NEDD8: variants seen among roughly 807,000 people sequenced by gnomAD.
NEDD8 encodes the protein ubiquitin-like protein NEDD8.
A neutral mutation model predicts 13.8 loss-of-function variants in NEDD8; 1 was observed. The observed-to-expected ratio is 0.07, with a 90% CI of 0.03 to 0.34. The LOEUF (loss-of-function observed/expected upper bound fraction) is 0.34. Ranked by LOEUF, NEDD8 falls within the 10% of genes least tolerant of loss-of-function variation. NEDD8 has a pLI of 0.99. For synonymous variants in NEDD8, 31 were observed against 33.2 expected (o/e 0.93, Z 0.23); for missense variants, 10 against 95.2 (o/e 0.10, Z 3.73).
intron 1 of NEDD8, chr14:24,228,104 C>G (rs967280334): frequency 6.7e-6 from 1 of 148,604 alleles, no homozygotes; most frequent in African/African-American, 2.5e-5. Flanking sequence ...AAAACAAAAA[C>G]AAAATGAGGC....
intron 1 of NEDD8, chr14:24,231,952 C>CT: frequency 2.5e-6 from 1 of 403,366 alleles, no homozygotes; most frequent in East Asian, 4.2e-5. Context: ...TTCTCTATGA[C>CT]TGCGGGGGTT....
At chr14:24,228,201 C>G (rs2039925542) in intron 1 of NEDD8, 2 of 151,870 alleles carry the variant, frequency 1.3e-5, no homozygotes, top group African/African-American at 4.8e-5. Context: ...CAAGACCAGC[C>G]TGGCAAACAT....
At chr14:24,226,635 A>G (rs1347230135) in intron 1 of NEDD8, 2 of 152,168 alleles carry the variant, frequency 1.3e-5, no homozygotes, top group African/African-American at 4.8e-5. Context: ...AATTTATATA[A>G]CATTATAACA....
At chr14:24,231,497 G>C (rs369398829) in intron 1 of NEDD8, among the ~76,000 whole-genome samples, 261 of 149,328 alleles carry the variant, frequency 1.7e-3, no homozygotes, top group African/African-American at 6.1e-3. Flanking sequence ...GGGGGCGTGG[G>C]GGGGGGGGTC....
intron 1 of NEDD8, chr14:24,227,411 T>A (rs1035428047): frequency 1.3e-5 from 2 of 152,174 alleles, no homozygotes; most frequent in African/African-American, 4.8e-5. Flanking sequence ...TGGTTTAGAC[T>A]ACACTTTAGA....
chr14:24,217,251 A>C (rs1379053060), intron 3 of NEDD8, 28 bp from the exon 4 acceptor site: 9 of 1,567,230 alleles, frequency 5.7e-6, no homozygotes, highest in Non-Finnish European at 4.3e-6. Flanking sequence ...CAGAAAAAAA[A>C]GAAAAAGAAG....
At position 24,218,375 on chromosome 14, in the gene NEDD8, A is replaced by G; in HGVS notation, c.66+9T>C. The G allele has an allele frequency of 1.2e-6, 2 of 1,614,224 alleles. No homozygotes were observed. Among genetic ancestry groups the G allele is most frequent in the Non-Finnish European group, 1.7e-6 (2 of 1,180,040 alleles). Reference sequence around the variant, plus strand: ...AGAAGTACATGAAGAGGAGTTGGGCATGCATCACCTTGTCTGTAGGTTCAA... The same window carrying G: ...AGAAGTACATGAAGAGGAGTTGGGCGTGCATCACCTTGTCTGTAGGTTCAA... On this transcript the variant is annotated intron_variant, in intron 2 of 3. Coordinates refer to ENST00000250495, the MANE Select transcript of NEDD8 (RefSeq NM_006156.3).
chr14:24,227,214 C>A (rs921461730), intron 1 of NEDD8: 1 of 152,162 alleles, frequency 6.6e-6, no homozygotes, highest in Non-Finnish European at 1.5e-5. Flanking sequence ...CTGAACTAAA[C>A]CCTTAAGAAC....
intron 1 of NEDD8, chr14:24,226,640 A>G (rs374013556): frequency 1.3e-5 from 2 of 152,174 alleles, no homozygotes; most frequent in East Asian, 1.9e-4. Flanking sequence ...ATATAACATT[A>G]TAACACTATA....
chr14:24,223,654 T>A (rs1355950208), intron 1 of NEDD8, among the ~76,000 whole-genome samples: 5 of 151,542 alleles, frequency 3.3e-5, no homozygotes, highest in Non-Finnish European at 5.9e-5. Context: ...GCTGAAAGTA[T>A]CATCCCACCT....
At chr14:24,224,631 C>T (rs1345694449) in intron 1 of NEDD8, among the ~76,000 whole-genome samples, 3 of 152,154 alleles carry the variant, frequency 2.0e-5, no homozygotes, top group Non-Finnish European at 4.4e-5. Context: ...TCAAATATTC[C>T]AGCTAATATA....
chr14:24,227,580 G>A (rs1284608076), intron 1 of NEDD8: 1 of 152,160 alleles, frequency 6.6e-6, no homozygotes, highest in African/African-American at 2.4e-5. Context: ...AAAGGACCAC[G>A]TAATTTTAAA....
Position 24,232,093 on chromosome 14 carries a change from G to T in NEDD8, c.18+157C>A. Reference sequence around the variant, plus strand: ...GGGCCCCGCTCTCAAAGCCCTTCTGGGTCCCCCTATTTCCCACCACCCCTC... The same window carrying T: ...GGGCCCCGCTCTCAAAGCCCTTCTGTGTCCCCCTATTTCCCACCACCCCTC... On this transcript the variant is annotated intron_variant, in intron 1 of 3. Transcript: ENST00000250495. 5.1e-6 allele frequency: 6 copies of T among 1,179,768 alleles called. No individual in the cohort carries two copies. In the South Asian group the frequency reaches 9.0e-5, roughly 18 times the overall value. The allele number at this position is 1,179,768 out of a possible 1,614,324, so 73.1% of individuals were successfully genotyped here. A position where few individuals can be genotyped will look rare whatever the true frequency, so the allele number is the denominator to read the frequency against.
intron 1 of NEDD8, among the ~76,000 whole-genome samples, chr14:24,221,861 G>A (rs2039816059): frequency 6.6e-6 from 1 of 152,168 alleles, no homozygotes; most frequent in Non-Finnish European, 1.5e-5. Flanking sequence ...CTCCCAAAGT[G>A]CTGGGATTAT....
intron 1 of NEDD8, among the ~76,000 whole-genome samples, chr14:24,222,363 A>G (rs2039822744): frequency 6.6e-6 from 1 of 152,216 alleles, no homozygotes. Flanking sequence ...AAATTTTGTA[A>G]AAACAACACA....
intron 1 of NEDD8, among the ~76,000 whole-genome samples, chr14:24,219,307 C>CAAA (rs2039759858): frequency 6.7e-6 from 1 of 149,254 alleles, no homozygotes; most frequent in African/African-American, 2.5e-5. Flanking sequence ...ACCAAAACAA[C>CAAA]AACAACAACA....
intron 1 of NEDD8, 22 bp downstream of exon 1, chr14:24,232,228 G>C (rs372033101): frequency 6.2e-7 from 1 of 1,613,920 alleles, no homozygotes; most frequent in Non-Finnish European, 8.5e-7. Context: ...CTGCGTCTTG[G>C]CAAGGCTGGA....
intron 1 of NEDD8, among the ~76,000 whole-genome samples, chr14:24,224,176 G>A (rs999140634): frequency 5.3e-5 from 8 of 152,132 alleles, no homozygotes; most frequent in East Asian, 1.9e-4. Context: ...TGATCCGCCC[G>A]CCTCGGCCTC....
rs1355983694 is a variant in NEDD8, at chr14:24,217,996, A to G, written c.149+137T>C. 3.6e-5 allele frequency: 36 copies of G among 1,006,078 alleles called. No homozygotes were observed. The East Asian group carries it at 6.7e-4, about 19-fold the overall frequency. 62.3% of individuals were successfully genotyped at this position (1,006,078 alleles called of 1,614,324 possible). On this transcript the variant is annotated intron_variant, in intron 3 of 3. Coordinates refer to ENST00000250495, the MANE Select transcript of NEDD8 (RefSeq NM_006156.3). ...AAAATCTTATTCTGAGAAGGGGCTTAGAGGCTTCACCAGATTGCCAAAGAG... is the reference window on the plus strand; with the variant it reads ...AAAATCTTATTCTGAGAAGGGGCTTGGAGGCTTCACCAGATTGCCAAAGAG...
Sources: allele counts gnomAD v4.1 joint callset (sites outside exome capture counted in the v4.1 genomes callset), GRCh38; gene constraint gnomAD v4.1.1; transcripts MANE v1.5; gene names NCBI Gene and HGNC (gene_info 2026-07-23, HGNC 2026-07-21).